The following LPP variants were observed in gnomAD, a reference collection of about 807,000 sequenced individuals.
The protein encoded by LPP is lipoma-preferred partner.
In LPP, 38 loss-of-function variants were observed where a neutral mutation model predicts 60.4. The observed-to-expected ratio is 0.63, with a 90% CI of 0.49 to 0.83. LPP has a LOEUF of 0.83. Ranked by LOEUF, LPP falls within the 40% of genes least tolerant of loss-of-function variation. The pLI, the probability that LPP is intolerant of heterozygous loss-of-function variation, is 0.00. For missense variants in LPP, 902 were observed against 783.6 expected, an observed-to-expected ratio of 1.15 and a Z score of -1.80; for synonymous variants, 328 against 290.8, an observed-to-expected ratio of 1.13 and a Z score of -1.30.
At position 188,735,720 on chromosome 3, in the gene LPP, A is replaced by G. The variant is rs148111611; in HGVS notation, c.1241-24393A>G. ...ATTTTAAAGTTACAGAGAAAGGGCA[A>G]TGTCCCCAAAATATTTTCATGATGA... is the stretch of plus-strand genomic sequence containing the variant. On this transcript the variant is annotated intron_variant, in intron 8 of 11. Transcript: ENST00000617246. Among the ~76,000 whole-genome samples the G allele has an allele frequency of 2.7e-3, 405 of 152,258 alleles. 3 individuals are homozygous for G. Among genetic ancestry groups the G allele is most frequent in the African/African-American group, 9.0e-3 (373 of 41,558 alleles).
chr3:188,357,447 C>A (rs1767941636), intron 3 of LPP, among the ~76,000 whole-genome samples: 3 of 151,230 alleles, frequency 2.0e-5, no homozygotes, highest in African/African-American at 7.3e-5. Context: ...ATAAAATGCT[C>A]TTCTACTAAC....
At chr3:188,195,371 G>A (rs1371642785) in intron 1 of LPP, among the ~76,000 whole-genome samples, 2 of 152,096 alleles carry the variant, frequency 1.3e-5, no homozygotes, top group African/African-American at 4.8e-5. Context: ...TTATACCAAG[G>A]ATCTACTCAT....
rs780781982 is a variant in LPP, at chr3:188,556,637, A to C, written c.429+31850A>C. Among the ~76,000 whole-genome samples the C allele has an allele frequency of 4.9e-4, 75 of 151,566 alleles. 1 individual carries two copies. The highest frequency in any genetic ancestry group is 2.9e-5 in the Non-Finnish European group (2 of 67,866). Reference sequence around the variant, plus strand: ...GGTTTGATTTTTTTTCAGTTTTTTTAATCATTACATGAATTAACCTCATTA... The same window carrying C: ...GGTTTGATTTTTTTTCAGTTTTTTTCATCATTACATGAATTAACCTCATTA... On this transcript the variant is annotated intron_variant, in intron 6 of 11. Coordinates refer to ENST00000617246, the MANE Select transcript of LPP (RefSeq NM_001375462.1).
At chr3:188,200,245 ATTTTTT>A in intron 1 of LPP, among the ~76,000 whole-genome samples, 1 of 139,858 alleles carries the variant, frequency 7.2e-6, no homozygotes, top group African/African-American at 2.6e-5. Context: ...GGGTTTAAGA[ATTTTTT>A]TTTTTTTTTT....
chr3:188,370,996 G>A (rs775497696), intron 3 of LPP, among the ~76,000 whole-genome samples: 9 of 152,058 alleles, frequency 5.9e-5, no homozygotes, highest in Admixed American at 4.6e-4. Context: ...TTTGCTTATG[G>A]GAAAGAGTCA....
intron 6 of LPP, among the ~76,000 whole-genome samples, chr3:188,573,885 A>T (rs755215186): frequency 4.6e-5 from 7 of 152,164 alleles, no homozygotes; most frequent in Non-Finnish European, 1.0e-4. Context: ...CAAGTGGAAG[A>T]TAAATGATAT....
At chr3:188,376,667 A>G (rs576930517) in intron 3 of LPP, among the ~76,000 whole-genome samples, 1 of 152,220 alleles carries the variant, frequency 6.6e-6, no homozygotes, top group African/African-American at 2.4e-5. Flanking sequence ...CCAATTTGCC[A>G]GTCTGTGTCT....
At chr3:188,292,527 C>T (rs964552045) in intron 2 of LPP, among the ~76,000 whole-genome samples, 1 of 152,120 alleles carries the variant, frequency 6.6e-6, no homozygotes, top group Non-Finnish European at 1.5e-5. Context: ...TCTTAAGTTT[C>T]CTGATGACTT....
At position 188,484,619 on chromosome 3, in the gene LPP, C is replaced by G. The variant is rs912807903; in HGVS notation, c.221C>G (p.Pro74Arg). 1.2e-6 allele frequency: 2 copies of G among 1,613,904 alleles called. No homozygotes were observed. The highest frequency in any genetic ancestry group is 1.7e-5 in the Admixed American group (1 of 60,018). Residue 74 changes from proline (P) to arginine (R), a missense_variant, in exon 5 of 12, where the codon CCT becomes CGT. Coordinates refer to ENST00000617246, the MANE Select transcript of LPP (RefSeq NM_001375462.1). ...EGDFLPPPPP[P>R]LDDSSALPSI... Reference sequence around the variant, plus strand: ...GATTTTCTTCCACCCCCACCTCCACCTCTAGATGATTCCAGTGCCCTTCCA... The same window carrying G: ...GATTTTCTTCCACCCCCACCTCCACGTCTAGATGATTCCAGTGCCCTTCCA...
chr3:188,170,184 C>T (rs1721144262), intron 1 of LPP, among the ~76,000 whole-genome samples: 1 of 152,210 alleles, frequency 6.6e-6, no homozygotes, highest in Admixed American at 6.5e-5. Context: ...CGGCTTTGTT[C>T]CAACTGCGTG....
intron 6 of LPP, among the ~76,000 whole-genome samples, chr3:188,543,530 T>G (rs987349656): frequency 2.6e-5 from 4 of 152,280 alleles, no homozygotes; most frequent in African/African-American, 9.6e-5. Context: ...TTTTTAATTT[T>G]TTTATATGGT....
At chr3:188,192,194 C>T (rs576535149) in intron 1 of LPP, among the ~76,000 whole-genome samples, 1 of 152,224 alleles carries the variant, frequency 6.6e-6, no homozygotes, top group South Asian at 2.1e-4. Flanking sequence ...GAGGAGGTAG[C>T]GATTAGAAAG....
In LPP at chr3:188,426,795, G is replaced by A. The variant is rs555057542; in HGVS notation, c.193+20482G>A. 5.9e-5 allele frequency among the ~76,000 whole-genome samples: 9 copies of A among 151,488 alleles called. No individual in the cohort carries two copies. The South Asian group carries it at 6.2e-4, about 11-fold the overall frequency. ...CAACCCCTGCTTTTTTTTGCTTTCC[G>A]TTTGCTTGGTAAATATTCCTCGATC... On this transcript the variant is annotated intron_variant, in intron 4 of 11. Transcript: ENST00000617246.
intron 3 of LPP, among the ~76,000 whole-genome samples, chr3:188,368,838 C>T (rs914406783): frequency 1.4e-4 from 22 of 152,008 alleles, no homozygotes; most frequent in African/African-American, 4.8e-4. Context: ...TAAAGAACTT[C>T]ATCTACCTCG....
intron 1 of LPP, among the ~76,000 whole-genome samples, chr3:188,221,623 C>G (rs1257670567): frequency 6.6e-6 from 1 of 152,158 alleles, no homozygotes; most frequent in Non-Finnish European, 1.5e-5. Context: ...TTGAATTGGT[C>G]TGATATCAGC....
At chr3:188,774,845 C>T (rs1392946631) in intron 9 of LPP, among the ~76,000 whole-genome samples, 1 of 152,050 alleles carries the variant, frequency 6.6e-6, no homozygotes, top group Non-Finnish European at 1.5e-5. Context: ...CTCATCTAGG[C>T]TTAATCACTT....
chr3:188,208,118 T>A (rs1442761999), intron 1 of LPP: 1 of 152,254 alleles, frequency 6.6e-6, no homozygotes. Flanking sequence ...CACTGGGCTC[T>A]GTGCTTGTCA....
intron 9 of LPP, among the ~76,000 whole-genome samples, chr3:188,838,642 G>T (rs549190473): frequency 1.3e-5 from 2 of 152,120 alleles, no homozygotes; most frequent in Admixed American, 6.6e-5. Flanking sequence ...TAAAGAAAAT[G>T]TGGCACATAC....
Position 188,881,766 on chromosome 3 carries a change from T to G in LPP, c.*7287T>G. On this transcript the variant is annotated 3_prime_UTR_variant, in exon 12 of 12. Coordinates refer to ENST00000617246, the MANE Select transcript of LPP (RefSeq NM_001375462.1). ...CCTTTTCCTTTTATCCTTGTCTTCT[T>G]CAGAATAAGACATTTTTCCTCCATA... 4.5e-6 allele frequency: 1 copy of G among 223,426 alleles called. No homozygotes were observed. Among genetic ancestry groups the G allele is most frequent in the Non-Finnish European group, 8.9e-6 (1 of 111,880 alleles). 13.8% of individuals were successfully genotyped at this position (223,426 alleles called of 1,614,324 possible).
Sources: gnomAD v4.1 joint callset for allele counts (sites outside exome capture counted in the v4.1 genomes callset) on GRCh38, gnomAD v4.1.1 for gene constraint, MANE v1.5 for transcripts, NCBI Gene and HGNC (gene_info 2026-07-23, HGNC 2026-07-21) for gene names.